The following SSX2IP variants were observed in gnomAD, a reference collection of about 807,000 sequenced individuals.
The protein encoded by SSX2IP is afadin- and alpha-actinin-binding protein.
In SSX2IP, 55 loss-of-function variants were observed where a neutral mutation model predicts 84.9. That is an observed-to-expected ratio of 0.65 (90% CI 0.52 to 0.81). The LOEUF (loss-of-function observed/expected upper bound fraction) is 0.81. SSX2IP is among the 30% of genes least tolerant of loss of function. The pLI is 0.00. For missense variants in SSX2IP, 664 were observed against 705.2 expected, an observed-to-expected ratio of 0.94 and a Z score of 0.66; for synonymous variants, 239 against 234.7, an observed-to-expected ratio of 1.02 and a Z score of -0.17.
In SSX2IP at chr1:84,651,899, GA is replaced by G. The variant is rs1468074872; in HGVS notation, c.1487del (p.Phe496SerfsTer14). 1 of 1,612,888 alleles carries G rather than the reference GA, an allele frequency of 6.2e-7. No homozygotes were observed. On this transcript the variant is annotated frameshift_variant, in exon 12 of 14. Coordinates refer to ENST00000342203, the MANE Select transcript of SSX2IP (RefSeq NM_001166293.2). LOFTEE classifies it high-confidence loss of function. ...DHQNSENVKL[F>X]SAFSGSSDWD... The stretch of plus-strand genomic sequence containing the variant: ...AGTACTCACTTCCTGAGAAGGCACT[GA>G]AAAGTTTCACATTTTCTGAGTTCTG...
upstream of SSX2IP, chr1:84,690,717 C>T (rs1407656260): frequency 6.6e-6 from 1 of 152,344 alleles, no homozygotes; most frequent in Non-Finnish European, 1.5e-5. Flanking sequence ...TCCCTGCGGT[C>T]CGCGCGCGCT....
chr1:84,647,490 A>G lies in SSX2IP; in HGVS notation c.1788T>C (p.Tyr596=), dbSNP rs750154597. 9 of 1,613,198 alleles carry G rather than the reference A, an allele frequency of 5.6e-6. No individual in the cohort carries two copies. The highest frequency in any genetic ancestry group is 7.6e-6 in the Non-Finnish European group (9 of 1,179,482). Residue 596 remains tyrosine, a synonymous_variant, in exon 14 of 14, where the codon TAT becomes TAC. Coordinates refer to ENST00000342203, the MANE Select transcript of SSX2IP (RefSeq NM_001166293.2). Reference sequence around the variant, plus strand: ...TTGTGTAGCTCAAGGAGCATCCACTATAGCAACCTTCCTGTGATCCAGGTC... The same window carrying G: ...TTGTGTAGCTCAAGGAGCATCCACTGTAGCAACCTTCCTGTGATCCAGGTC... ...ASRPGSQEGC[Y]SGCSLSYTNS...
At chr1:84,688,407 A>C (rs1656090489) in intron 1 of SSX2IP, among the ~76,000 whole-genome samples, 1 of 152,258 alleles carries the variant, frequency 6.6e-6, no homozygotes, top group Non-Finnish European at 1.5e-5. Context: ...AGATATGGAA[A>C]AAATAACTTA....
chr1:84,665,163 C>T (rs912052784), intron 5 of SSX2IP, among the ~76,000 whole-genome samples: 7 of 152,110 alleles, frequency 4.6e-5, no homozygotes, highest in Non-Finnish European at 7.4e-5. Flanking sequence ...TAAAGCCATT[C>T]CCAGTCCCTG....
At position 84,670,639 on chromosome 1, in the gene SSX2IP, A is replaced by T; in HGVS notation, c.213+7T>A. ...TTATGCTACTGTTTTTTACAAAAAC[A>T]TGTTACCTGATCAAGATATGAGATA... On this transcript the variant is annotated splice_region_variant and intron_variant, in intron 3 of 13. Transcript: ENST00000342203. 2 of 1,573,042 alleles carry T rather than the reference A, an allele frequency of 1.3e-6. No homozygotes were observed. Among genetic ancestry groups the T allele is most frequent in the Non-Finnish European group, 1.7e-6 (2 of 1,157,846 alleles).
chr1:84,654,475 G>A (rs1225005822), intron 11 of SSX2IP, among the ~76,000 whole-genome samples: 1 of 151,890 alleles, frequency 6.6e-6, no homozygotes, highest in East Asian at 1.9e-4. Context: ...AATGTTTACA[G>A]CTCATGCACT....
intron 6 of SSX2IP, among the ~76,000 whole-genome samples, chr1:84,664,043 G>C (rs747152402): frequency 6.6e-6 from 1 of 151,992 alleles, no homozygotes; most frequent in Non-Finnish European, 1.5e-5. Flanking sequence ...TGAACGATTT[G>C]GTCTGATGAA....
chr1:84,668,840 C>T (rs143576198), intron 4 of SSX2IP, among the ~76,000 whole-genome samples: 17 of 152,068 alleles, frequency 1.1e-4, no homozygotes, highest in African/African-American at 3.6e-4. Flanking sequence ...CATGGACCAA[C>T]AGATGAAAAA....
chr1:84,666,201 A>C lies in SSX2IP; in HGVS notation c.458T>G (p.Ile153Ser). Reference sequence around the variant, plus strand: ...CTGTCTGTCTCTTTCCTGAAGCCCAATCATTTCCCTCCTGGAGGTTTCCAG... The same window carrying C: ...CTGTCTGTCTCTTTCCTGAAGCCCACTCATTTCCCTCCTGGAGGTTTCCAG... Reference protein sequence around the residue: ...EQLETSRREMIGLQERDRQLQ... With the variant: ...EQLETSRREMSGLQERDRQLQ... The change falls in exon 5 of 14, where the codon ATT becomes AGT. Residue 153 changes from isoleucine to serine, a missense_variant. Ile to Ser is a moderately radical substitution (Grantham distance 142, BLOSUM62 -2). Transcript: ENST00000342203. 6 of 1,612,566 alleles carry C rather than the reference A, an allele frequency of 3.7e-6. No individual in the cohort carries two copies. The highest frequency in any genetic ancestry group is 5.1e-6 in the Non-Finnish European group (6 of 1,179,228).
Position 84,653,522 on chromosome 1 carries a change from C to A in SSX2IP, c.1390-1525G>T, listed in dbSNP as rs139794098. On this transcript the variant is annotated intron_variant, in intron 11 of 13. Coordinates refer to ENST00000342203, the MANE Select transcript of SSX2IP (RefSeq NM_001166293.2). Reference sequence around the variant, plus strand: ...AAAAATTCTCTTGCAGGGAAAGGCACCTGGCAACTGGGAGCAATATGCAAA... The same window carrying A: ...AAAAATTCTCTTGCAGGGAAAGGCAACTGGCAACTGGGAGCAATATGCAAA... Among the ~76,000 whole-genome samples the A allele has an allele frequency of 2.9e-3, 445 of 152,304 alleles. 1 individual carries two copies. The highest frequency in any genetic ancestry group is 5.3e-3 in the Non-Finnish European group (362 of 68,028).
intron 11 of SSX2IP, 118 bp from the exon 12 acceptor site, chr1:84,652,115 T>C (rs535819815): frequency 2.8e-6 from 2 of 715,222 alleles, no homozygotes; most frequent in Non-Finnish European, 4.8e-6. Flanking sequence ...GTACTTCTTA[T>C]GTCAAATGAG....
chr1:84,666,809 T>G (rs1040990954), intron 4 of SSX2IP, among the ~76,000 whole-genome samples: 1 of 152,182 alleles, frequency 6.6e-6, no homozygotes, highest in Non-Finnish European at 1.5e-5. Context: ...AGAATTAGTA[T>G]GAAACAAGAT....
chr1:84,672,784 G>T (rs1653771265), intron 1 of SSX2IP, among the ~76,000 whole-genome samples: 1 of 152,154 alleles, frequency 6.6e-6, no homozygotes, highest in Non-Finnish European at 1.5e-5. Context: ...CAGCACTTTG[G>T]GTGGCTGAGG....
chr1:84,663,658 C>T (rs1238397231), intron 6 of SSX2IP, among the ~76,000 whole-genome samples: 4 of 152,164 alleles, frequency 2.6e-5, no homozygotes, highest in South Asian at 2.1e-4. Context: ...GTACGCTCAT[C>T]GCCTGTTTTT....
intron 1 of SSX2IP, among the ~76,000 whole-genome samples, chr1:84,678,079 A>G (rs1308690691): frequency 1.3e-5 from 2 of 152,246 alleles, no homozygotes; most frequent in Non-Finnish European, 2.9e-5. Flanking sequence ...AACTTAAACC[A>G]TAATTTACTG....
intron 1 of SSX2IP, among the ~76,000 whole-genome samples, chr1:84,686,086 T>C (rs1010986496): frequency 2.6e-5 from 4 of 152,222 alleles, no homozygotes; most frequent in African/African-American, 9.7e-5. Flanking sequence ...TAAGTTCTAT[T>C]TGTAGCACCG....
At chr1:84,662,973 T>A (rs1652245260) in intron 6 of SSX2IP, among the ~76,000 whole-genome samples, 1 of 152,138 alleles carries the variant, frequency 6.6e-6, no homozygotes, top group African/African-American at 2.4e-5. Context: ...CACATCTACT[T>A]GTTTATATAC....
chr1:84,669,370 A>G (rs3768242), intron 4 of SSX2IP, among the ~76,000 whole-genome samples: 80,240 of 151,838 alleles, frequency 0.53, 23,046 homozygotes, highest in East Asian at 0.72. Flanking sequence ...TAAATGAAGC[A>G]TATACTTTCT....
Position 84,659,402 on chromosome 1 carries a change from C to T in SSX2IP, c.928-934G>A, listed in dbSNP as rs12562661. Among the ~76,000 whole-genome samples the T allele has an allele frequency of 1.5e-3, 224 of 152,202 alleles. 3 individuals carry two copies. In the East Asian group the frequency reaches 0.036, roughly 24 times the overall value. On this transcript the variant is annotated intron_variant, in intron 8 of 13. Transcript: ENST00000342203. ...GGATCCGGCTCATGGTGATTCTAGC[C>T]CCTGCCAATACTCAAAAGCTACTTG...
Sources: allele counts gnomAD v4.1 joint callset (sites outside exome capture counted in the v4.1 genomes callset), GRCh38; gene constraint gnomAD v4.1.1; transcripts MANE v1.5; gene names NCBI Gene and HGNC (gene_info 2026-07-23, HGNC 2026-07-21).